The following DSCAM variants were observed in gnomAD, a reference collection of about 807,000 sequenced individuals.
DSCAM encodes the protein DS cell adhesion molecule.
A neutral mutation model predicts 217.7 loss-of-function variants in DSCAM; 47 were observed. That is an observed-to-expected ratio of 0.22 (90% confidence interval 0.17 to 0.28). The LOEUF (loss-of-function observed/expected upper bound fraction) is 0.28. Ranked by LOEUF, DSCAM falls within the 10% of genes least tolerant of loss-of-function variation. The pLI is 1.00. For synonymous variants in DSCAM, 1,056 were observed against 1,015.3 expected, an observed-to-expected ratio of 1.04 and a Z score of -0.76; for missense variants, 2,080 against 2,618.3, an observed-to-expected ratio of 0.79 and a Z score of 4.49.
At chr21:40,286,851 T>TATG (rs2073832904) in intron 10 of DSCAM, among the ~76,000 whole-genome samples, 1 of 149,890 alleles carries the variant, frequency 6.7e-6, no homozygotes, top group African/African-American at 2.5e-5. Flanking sequence ...GATCTGCAGG[T>TATG]ATCTGCAGTG....
intron 3 of DSCAM, among the ~76,000 whole-genome samples, chr21:40,370,908 CA>C (rs781407662): frequency 1.3e-5 from 2 of 152,030 alleles, no homozygotes; most frequent in Non-Finnish European, 2.9e-5. Flanking sequence ...TAATCCCTCC[CA>C]AAGTGGGATT....
intron 1 of DSCAM, among the ~76,000 whole-genome samples, chr21:40,785,613 G>A (rs7283318): frequency 0.09 from 13,728 of 152,228 alleles, 706 homozygotes; most frequent in African/African-American, 0.1. Flanking sequence ...ATGGCTTCCC[G>A]CCAACCTCTG....
chr21:40,443,831 T>G (rs2075652436), intron 3 of DSCAM, among the ~76,000 whole-genome samples: 1 of 152,222 alleles, frequency 6.6e-6, no homozygotes, highest in Non-Finnish European at 1.5e-5. Context: ...GTTTTAATTA[T>G]TCTACCAGAT....
At chr21:40,503,147 CAGA>C (rs1420039021) in intron 3 of DSCAM, among the ~76,000 whole-genome samples, 1 of 152,180 alleles carries the variant, frequency 6.6e-6, no homozygotes. Context: ...GCTACTTTTA[CAGA>C]AGAAGAAACC....
intron 3 of DSCAM, among the ~76,000 whole-genome samples, chr21:40,530,408 G>C (rs2076434081): frequency 6.6e-6 from 1 of 152,118 alleles, no homozygotes; most frequent in Non-Finnish European, 1.5e-5. Context: ...TTGTCTACAA[G>C]TTGTCTTTTG....
intron 11 of DSCAM, among the ~76,000 whole-genome samples, chr21:40,204,877 G>T (rs1199606248): frequency 1.3e-5 from 2 of 152,194 alleles, no homozygotes; most frequent in African/African-American, 4.8e-5. Context: ...TTCCTGCTTT[G>T]TGTTATGGGC....
intron 3 of DSCAM, among the ~76,000 whole-genome samples, chr21:40,495,668 A>C (rs1370062525): frequency 1.3e-5 from 2 of 152,186 alleles, no homozygotes; most frequent in East Asian, 3.9e-4. Flanking sequence ...CTTCTCTGGA[A>C]GTCCTAACTG....
chr21:40,366,517 T>C (rs1053045547), intron 4 of DSCAM, among the ~76,000 whole-genome samples: 1 of 152,194 alleles, frequency 6.6e-6, no homozygotes, highest in South Asian at 2.1e-4. Context: ...TTTATACTGC[T>C]CTTTCAAAGC....
intron 9 of DSCAM, among the ~76,000 whole-genome samples, chr21:40,300,080 C>G (rs1300724050): frequency 6.6e-6 from 1 of 152,090 alleles, no homozygotes; most frequent in Non-Finnish European, 1.5e-5. Flanking sequence ...GTGGCCCTCT[C>G]CTTCTTCTCA....
At chr21:40,329,191 T>C (rs1285337389) in intron 8 of DSCAM, among the ~76,000 whole-genome samples, 1 of 151,996 alleles carries the variant, frequency 6.6e-6, no homozygotes, top group Non-Finnish European at 1.5e-5. Flanking sequence ...GAAATCAGTG[T>C]GTTGAAGAGA....
chr21:40,328,269 A>C (rs2074339340), intron 8 of DSCAM, among the ~76,000 whole-genome samples: 1 of 152,164 alleles, frequency 6.6e-6, no homozygotes. Context: ...ATAACCAAAC[A>C]GCATTGTACT....
chr21:40,728,640 G>A (rs1311993038), intron 1 of DSCAM, among the ~76,000 whole-genome samples: 1 of 151,890 alleles, frequency 6.6e-6, no homozygotes, highest in Non-Finnish European at 1.5e-5. Context: ...GGCTGGTCTC[G>A]AACTCCTGAC....
intron 20 of DSCAM, among the ~76,000 whole-genome samples, chr21:40,100,513 T>C (rs2089736298): frequency 6.6e-6 from 1 of 152,202 alleles, no homozygotes; most frequent in Admixed American, 6.5e-5. Context: ...AATTTCTACA[T>C]GCATATTTTA....
Position 40,029,023 on chromosome 21 carries a change from A to C in DSCAM, c.5686+13348T>G, listed in dbSNP as rs185425804. Among the ~76,000 whole-genome samples the C allele has an allele frequency of 7.2e-3, 1,092 of 152,320 alleles. 12 individuals carry two copies. The highest frequency in any genetic ancestry group is 0.011 in the Admixed American group (161 of 15,304). On this transcript the variant is annotated intron_variant, in intron 32 of 32. Transcript: ENST00000400454. Reference sequence around the variant, plus strand: ...CAATTACAAGTCCTAAAAATGCAGCAAATTATTGTCTTCTTCCATAAGGGA... The same window carrying C: ...CAATTACAAGTCCTAAAAATGCAGCCAATTATTGTCTTCTTCCATAAGGGA...
rs370333598 is a variant in DSCAM at position 40,204,946 on chromosome 21, A to C, written c.2357-15708T>G. Among the ~76,000 whole-genome samples, 24 of 152,308 alleles carry C rather than the reference A, an allele frequency of 1.6e-4. No homozygotes were observed. In the East Asian group the frequency reaches 4.4e-3, roughly 28 times the overall value. On this transcript the variant is annotated intron_variant, in intron 11 of 32. Transcript: ENST00000400454. ...AACAGATGCATGGCACATTTGCAGG[A>C]ATACATTCCATGTAACTGTTGGCAG...
chr21:40,300,576 G>A (rs2074004212), intron 9 of DSCAM, among the ~76,000 whole-genome samples: 1 of 152,176 alleles, frequency 6.6e-6, no homozygotes, highest in African/African-American at 2.4e-5. Flanking sequence ...CAGAAGTCAT[G>A]AGCCTTTACC....
intron 11 of DSCAM, among the ~76,000 whole-genome samples, chr21:40,259,071 A>G (rs1211112201): frequency 6.6e-6 from 1 of 152,240 alleles, no homozygotes; most frequent in African/African-American, 2.4e-5. Context: ...ACGTCTGGAA[A>G]GACAACTGTG....
intron 1 of DSCAM, among the ~76,000 whole-genome samples, chr21:40,722,995 T>TA (rs2090917902): frequency 6.6e-6 from 1 of 151,374 alleles, no homozygotes; most frequent in Non-Finnish European, 1.5e-5. Flanking sequence ...ATGTACCTAA[T>TA]AAAAGAGCTT....
chr21:40,041,619 C>A (rs2088751271), intron 32 of DSCAM, among the ~76,000 whole-genome samples: 1 of 152,128 alleles, frequency 6.6e-6, no homozygotes, highest in South Asian at 2.1e-4. Flanking sequence ...CCTCTGCATT[C>A]TATTATCTGC....
Sources: allele counts gnomAD v4.1 joint callset (sites outside exome capture counted in the v4.1 genomes callset), GRCh38; gene constraint gnomAD v4.1.1; transcripts MANE v1.5; gene names NCBI Gene and HGNC (gene_info 2026-07-23, HGNC 2026-07-21).